Variants in SEPTIN9 observed in about 807,000 individuals in gnomAD.
The protein encoded by SEPTIN9 is septin-9.
In SEPTIN9, 13 loss-of-function variants were observed where a neutral mutation model predicts 56.6. The ratio of observed to expected loss-of-function variants is 0.23; its 90% confidence interval spans 0.15 to 0.37. SEPTIN9 has a LOEUF of 0.37. SEPTIN9 is among the 10% of genes least tolerant of loss of function. The pLI is 1.00. For synonymous variants in SEPTIN9, 332 were observed against 334.1 expected, an observed-to-expected ratio of 0.99 and a Z score of 0.07; for missense variants, 650 against 823.1, an observed-to-expected ratio of 0.79 and a Z score of 2.57.
intron 3 of SEPTIN9, among the ~76,000 whole-genome samples, chr17:77,411,922 G>A (rs1393224856): frequency 1.3e-5 from 2 of 151,500 alleles, no homozygotes; most frequent in Non-Finnish European, 2.9e-5. Flanking sequence ...TTGAGGTCAG[G>A]AGTTCAAGAC....
Position 77,388,794 on chromosome 17 carries a change from C to T in SEPTIN9, c.77-13265C>T, listed in dbSNP as rs178248. Among the ~76,000 whole-genome samples, 763 of 149,202 alleles carry T rather than the reference C, an allele frequency of 5.1e-3. 6 individuals carry two copies. The highest frequency in any genetic ancestry group is 0.018 in the African/African-American group (718 of 40,576). On this transcript the variant is annotated intron_variant, in intron 2 of 11. Coordinates refer to ENST00000427177, the MANE Select transcript of SEPTIN9 (RefSeq NM_001113491.2). ...TGGAGGCTCCACCTGGGCCAAGTGG[C>T]CCCTGGTGTTAGGCGCTTTTTTTTT...
intron 2 of SEPTIN9, among the ~76,000 whole-genome samples, chr17:77,311,406 AC>A (rs1219528353): frequency 1.3e-5 from 2 of 151,840 alleles, no homozygotes; most frequent in Non-Finnish European, 2.9e-5. Context: ...TGGATGGACG[AC>A]CCCGCCCGCA....
At chr17:77,387,992 A>T (rs1020550567) in intron 2 of SEPTIN9, among the ~76,000 whole-genome samples, 1 of 148,340 alleles carries the variant, frequency 6.7e-6, no homozygotes, top group Non-Finnish European at 1.5e-5. Context: ...CCTACCCCAG[A>T]CCCCTCTCTT....
chr17:77,431,057 T>A (rs1252450105), intron 3 of SEPTIN9, among the ~76,000 whole-genome samples: 1 of 150,920 alleles, frequency 6.6e-6, no homozygotes, highest in Non-Finnish European at 1.5e-5. Context: ...TGAAAAGCAA[T>A]CTTTGCTGGG....
At chr17:77,493,691 C>T (rs1193201152) in intron 10 of SEPTIN9, among the ~76,000 whole-genome samples, 1 of 151,876 alleles carries the variant, frequency 6.6e-6, no homozygotes, top group Non-Finnish European at 1.5e-5. Flanking sequence ...ATTGTAAAGG[C>T]ATCACATGCT....
intron 2 of SEPTIN9, among the ~76,000 whole-genome samples, chr17:77,353,245 C>G (rs1279148530): frequency 6.6e-6 from 1 of 152,162 alleles, no homozygotes; most frequent in Non-Finnish European, 1.5e-5. Context: ...CAGAAGGAGA[C>G]TGGATGGGGT....
At chr17:77,430,858 G>A (rs1057361180) in intron 3 of SEPTIN9, among the ~76,000 whole-genome samples, 1 of 152,108 alleles carries the variant, frequency 6.6e-6, no homozygotes, top group African/African-American at 2.4e-5. Flanking sequence ...AGGTATGGTG[G>A]TGCACGCTTG....
intron 3 of SEPTIN9, among the ~76,000 whole-genome samples, chr17:77,452,448 C>G (rs1347769346): frequency 6.6e-6 from 1 of 152,250 alleles, no homozygotes; most frequent in Admixed American, 6.5e-5. Flanking sequence ...TGGCCCCTCT[C>G]TCTTTGCTTT....
rs2032602616 is a variant in SEPTIN9, at chr17:77,313,951, A to G, written c.76+6754A>G. Among the ~76,000 whole-genome samples, 1 of 152,134 alleles carries G rather than the reference A, an allele frequency of 6.6e-6. No homozygotes were observed. Among genetic ancestry groups the G allele is most frequent in the South Asian group, 2.1e-4 (1 of 4,818 alleles). On this transcript the variant is annotated intron_variant, in intron 2 of 11. Transcript: ENST00000427177. This position sits in a 1 kb window ranked among gnomAD's most constrained non-coding sequence, Gnocchi z 4.5. ...CATGGTGACCCATGCCTGTAATCCC[A>G]GTACTTTTGGAGCCGAGGTGGGAGG...
chr17:77,462,481 A>C (rs1351314597), intron 3 of SEPTIN9, among the ~76,000 whole-genome samples: 1 of 151,942 alleles, frequency 6.6e-6, no homozygotes, highest in Non-Finnish European at 1.5e-5. Flanking sequence ...ACAGGGTCCC[A>C]CTATGTTGCC....
chr17:77,486,119 T>C (rs2039767437), intron 4 of SEPTIN9, among the ~76,000 whole-genome samples: 1 of 143,306 alleles, frequency 7.0e-6, no homozygotes, highest in African/African-American at 2.6e-5. Flanking sequence ...CCTGGCCGAT[T>C]TTTGTTTTTT....
At chr17:77,395,990 C>G (rs771738980) in intron 2 of SEPTIN9, among the ~76,000 whole-genome samples, 1 of 152,204 alleles carries the variant, frequency 6.6e-6, no homozygotes, top group Non-Finnish European at 1.5e-5. Context: ...GAACGGTCTT[C>G]AGGCTTTTGG....
rs2037405936 is a variant in SEPTIN9, at chr17:77,437,930, G to A, written c.721+35227G>A. 6.6e-6 allele frequency among the ~76,000 whole-genome samples: 1 copy of A among 152,172 alleles called. No individual in the cohort carries two copies. The highest frequency in any genetic ancestry group is 6.5e-5 in the Admixed American group (1 of 15,288). ...CTGGTGACTGTGGCTGGTTGTTGGT[G>A]CCTGGCCCTGCCCTGCACTGTGCAC... On this transcript the variant is annotated intron_variant, in intron 3 of 11. Coordinates refer to ENST00000427177, the MANE Select transcript of SEPTIN9 (RefSeq NM_001113491.2). The surrounding 1 kb of genome is among the most constrained non-coding windows in gnomAD (Gnocchi z 5.3).
rs1316839970 is a variant in SEPTIN9, at chr17:77,437,242, G to A, written c.721+34539G>A. ...TGCCCTATGCAGAAGTGGTTGGAAA[G>A]CAAGAAGCCTGGAGAGAAGTGAGGC... is the stretch of plus-strand genomic sequence containing the variant. On this transcript the variant is annotated intron_variant, in intron 3 of 11. Transcript: ENST00000427177. This position sits in a 1 kb window ranked among gnomAD's most constrained non-coding sequence, Gnocchi z 5.3. Among the ~76,000 whole-genome samples the A allele has an allele frequency of 6.6e-6, 1 of 152,220 alleles. No homozygotes were observed. Among genetic ancestry groups the A allele is most frequent in the Non-Finnish European group, 1.5e-5 (1 of 68,038 alleles).
chr17:77,307,268 G>T, intron 2 of SEPTIN9, 71 bp downstream of exon 2: 2 of 1,385,112 alleles, frequency 1.4e-6, no homozygotes, highest in South Asian at 1.2e-5. Flanking sequence ...CTTCATTCTG[G>T]TCTGGGACCT....
At chr17:77,459,472 AG>A (rs2038362233) in intron 3 of SEPTIN9, among the ~76,000 whole-genome samples, 1 of 152,234 alleles carries the variant, frequency 6.6e-6, no homozygotes, top group South Asian at 2.1e-4. Context: ...CCCAGAGCAC[AG>A]CCCCAGCCAG....
At chr17:77,348,179 G>A (rs574275251) in intron 2 of SEPTIN9, among the ~76,000 whole-genome samples, 6 of 151,792 alleles carry the variant, frequency 4.0e-5, no homozygotes, top group African/African-American at 1.4e-4. Flanking sequence ...CATAGTTATA[G>A]ATATGACTGG....
In SEPTIN9 at chr17:77,429,188, CGAGGCT is replaced by C. The variant is rs751061565; in HGVS notation, c.721+26497_721+26502del. On this transcript the variant is annotated intron_variant, in intron 3 of 11. Coordinates refer to ENST00000427177, the MANE Select transcript of SEPTIN9 (RefSeq NM_001113491.2). The surrounding 1 kb of genome is among the most constrained non-coding windows in gnomAD (Gnocchi z 5.2). ...CTGAGGCCAAGACCAAGGCTGAGGC[CGAGGCT>C]GAGGCTGAGGCCACCTTGGTGAGGA... The C allele has an allele frequency of 2.1e-6, 1 of 471,878 alleles. No homozygotes were observed. Among genetic ancestry groups the C allele is most frequent in the East Asian group, 6.9e-5 (1 of 14,438 alleles). The allele number at this position is 471,878 out of a possible 1,614,324, so 29.2% of individuals were successfully genotyped here. A position where few individuals can be genotyped will look rare whatever the true frequency, so the allele number is the denominator to read the frequency against.
chr17:77,297,478 G>A (rs181208300), intron 1 of SEPTIN9, among the ~76,000 whole-genome samples: 7 of 152,114 alleles, frequency 4.6e-5, no homozygotes, highest in Admixed American at 1.3e-4. Context: ...GAAGCGATGC[G>A]TTACCAGCCA....
Sources: allele counts gnomAD v4.1 joint callset (sites outside exome capture counted in the v4.1 genomes callset), GRCh38; gene constraint gnomAD v4.1.1; non-coding constraint Gnocchi (gnomAD v3.1); transcripts MANE v1.5; gene names NCBI Gene and HGNC (gene_info 2026-07-23, HGNC 2026-07-21).